Variants in DDX4 observed in about 807,000 individuals in gnomAD.
The protein encoded by DDX4 is DEAD-box helicase 4.
A neutral mutation model predicts 100.0 loss-of-function variants in DDX4; 25 were observed. The observed-to-expected ratio is 0.25, with a 90% CI of 0.18 to 0.35. The LOEUF (loss-of-function observed/expected upper bound fraction) is 0.35, where lower values mean the gene tolerates loss of function less well. Ranked by LOEUF, DDX4 falls within the 10% of genes least tolerant of loss-of-function variation. DDX4 has a pLI of 1.00. For missense variants in DDX4, 635 were observed against 882.4 expected (o/e 0.72, Z 3.55); for synonymous variants, 259 against 275.7 (o/e 0.94, Z 0.60).
chr5:55,795,932 G>C (rs1343430377), intron 17 of DDX4, among the ~76,000 whole-genome samples: 2 of 152,220 alleles, frequency 1.3e-5, no homozygotes, highest in African/African-American at 4.8e-5. Flanking sequence ...AGAGAAGCCA[G>C]TAGTGGCTCA....
chr5:55,776,805 CAA>C (rs1259782905), intron 7 of DDX4, among the ~76,000 whole-genome samples: 2 of 151,812 alleles, frequency 1.3e-5, no homozygotes, highest in East Asian at 1.9e-4. Context: ...GCATAGGAAA[CAA>C]GAAGCAATGA....
At position 55,792,621 on chromosome 5, in the gene DDX4, C is replaced by G; in HGVS notation, c.1303-20C>G. ...AACTAATATGCATTTTCTGTTTTAC[C>G]TTTGAAAATATCCTTAAAGATTGGT... is the stretch of plus-strand genomic sequence containing the variant. On this transcript the variant is annotated intron_variant, in intron 16 of 21. Coordinates refer to ENST00000505374, the MANE Select transcript of DDX4 (RefSeq NM_024415.3). 1 of 1,387,516 alleles carries G rather than the reference C, an allele frequency of 7.2e-7. No individual in the cohort carries two copies. Among genetic ancestry groups the G allele is most frequent in the Non-Finnish European group, 9.7e-7 (1 of 1,030,938 alleles). 86.0% of individuals were successfully genotyped at this position (1,387,516 alleles called of 1,614,324 possible).
At chr5:55,801,472 T>C (rs1561513185) in intron 18 of DDX4, among the ~76,000 whole-genome samples, 1 of 152,224 alleles carries the variant, frequency 6.6e-6, no homozygotes, top group Admixed American at 6.5e-5. Context: ...CTGAGAATCA[T>C]TGGCATTGCT....
At position 55,816,759 on chromosome 5, in the gene DDX4, T is replaced by C; in HGVS notation, c.*219T>C. The C allele has an allele frequency of 1.4e-6, 1 of 691,756 alleles. No individual in the cohort carries two copies. Among genetic ancestry groups the C allele is most frequent in the Non-Finnish European group, 2.2e-6 (1 of 464,892 alleles). The allele number at this position is 691,756 out of a possible 1,614,324, so 42.9% of individuals were successfully genotyped here. On this transcript the variant is annotated 3_prime_UTR_variant, in exon 22 of 22. Transcript: ENST00000505374. ...ATACAAATGGTGTTAACTGGGAATA[T>C]TAAAGCATTCTAAATGTCTTTCTTA...
intron 7 of DDX4, among the ~76,000 whole-genome samples, chr5:55,768,687 C>CT (rs1741079337): frequency 6.6e-6 from 1 of 152,160 alleles, no homozygotes; most frequent in Non-Finnish European, 1.5e-5. Context: ...GTTTTACGTT[C>CT]TTTGAGAAAT....
intron 3 of DDX4, among the ~76,000 whole-genome samples, chr5:55,752,596 G>A: frequency 6.8e-6 from 1 of 146,232 alleles, no homozygotes; most frequent in Middle Eastern, 3.5e-3. Context: ...TTGGACATTT[G>A]GGTTGGTTCC....
intron 7 of DDX4, chr5:55,773,085 C>G (rs1741350227): frequency 6.6e-6 from 1 of 152,356 alleles, no homozygotes; most frequent in African/African-American, 2.4e-5. Flanking sequence ...TCTCACAGTT[C>G]TGGAGAGTCA....
At chr5:55,798,193 A>G (rs553199614) in intron 17 of DDX4, among the ~76,000 whole-genome samples, 1 of 152,282 alleles carries the variant, frequency 6.6e-6, no homozygotes, top group South Asian at 2.1e-4. Flanking sequence ...TGTAATTACC[A>G]TATCCATACT....
intron 2 of DDX4, among the ~76,000 whole-genome samples, chr5:55,739,356 A>C (rs1758860238): frequency 1.3e-5 from 2 of 152,240 alleles, no homozygotes; most frequent in African/African-American, 4.8e-5. Context: ...TGGAAAATTG[A>C]AAACAATAAT....
At chr5:55,766,251 G>C (rs1464581242) in intron 6 of DDX4, among the ~76,000 whole-genome samples, 2 of 151,900 alleles carry the variant, frequency 1.3e-5, no homozygotes, top group African/African-American at 4.8e-5. Flanking sequence ...TTTTGAAATA[G>C]TTTTATTCAT....
At chr5:55,785,385 G>C in intron 11 of DDX4, 41 bp downstream of exon 11, 1 of 1,583,976 alleles carries the variant, frequency 6.3e-7, no homozygotes, top group Non-Finnish European at 8.7e-7. Flanking sequence ...TTTATAGTGA[G>C]AGTTCTTTTA....
intron 2 of DDX4, among the ~76,000 whole-genome samples, chr5:55,745,087 T>G (rs1759181056): frequency 6.6e-6 from 1 of 151,676 alleles, no homozygotes; most frequent in Admixed American, 6.6e-5. Context: ...TCCATGTTGG[T>G]CAGGCTGGTC....
intron 3 of DDX4, among the ~76,000 whole-genome samples, chr5:55,748,958 A>G (rs917486315): frequency 6.6e-6 from 1 of 152,144 alleles, no homozygotes; most frequent in Non-Finnish European, 1.5e-5. Flanking sequence ...TCATGCTCTT[A>G]AAATTGTATT....
At chr5:55,794,837 G>A (rs1228413908) in intron 17 of DDX4, among the ~76,000 whole-genome samples, 2 of 151,980 alleles carry the variant, frequency 1.3e-5, no homozygotes, top group African/African-American at 2.4e-5. Flanking sequence ...CATTCTGTGC[G>A]AAGTCCTTTT....
At chr5:55,768,057 C>CT in intron 7 of DDX4, 117 bp downstream of exon 7, 1 of 920,382 alleles carries the variant, frequency 1.1e-6, no homozygotes, top group Non-Finnish European at 1.8e-6. Flanking sequence ...AAGAAAAATA[C>CT]TTTGGTATAT....
At chr5:55,813,850 A>T in intron 19 of DDX4, 78 bp downstream of exon 19, 1 of 1,395,390 alleles carries the variant, frequency 7.2e-7, no homozygotes. Flanking sequence ...TATATAACTA[A>T]TATGATATAA....
chr5:55,757,068 G>T (rs1431848907), intron 3 of DDX4, among the ~76,000 whole-genome samples: 1 of 151,940 alleles, frequency 6.6e-6, no homozygotes, highest in Non-Finnish European at 1.5e-5. Flanking sequence ...AGGTAAACTG[G>T]GTTAATTCTT....
intron 3 of DDX4, among the ~76,000 whole-genome samples, chr5:55,754,282 C>T (rs1759778782): frequency 1.4e-5 from 2 of 147,268 alleles, no homozygotes; most frequent in Admixed American, 1.4e-4. Flanking sequence ...CAGTTTTTGC[C>T]CATTCAGTAT....
At chr5:55,802,902 C>G (rs115977125) in intron 18 of DDX4, among the ~76,000 whole-genome samples, 2 of 151,978 alleles carry the variant, frequency 1.3e-5, no homozygotes, top group African/African-American at 4.8e-5. Flanking sequence ...TTAAAAAATA[C>G]TAGGCAAAAA....
Sources: gnomAD v4.1 joint callset for allele counts (sites outside exome capture counted in the v4.1 genomes callset) on GRCh38, gnomAD v4.1.1 for gene constraint, MANE v1.5 for transcripts, NCBI Gene and HGNC (gene_info 2026-07-23, HGNC 2026-07-21) for gene names.